The following ROR1 variants were observed in gnomAD, a reference collection of about 807,000 sequenced individuals.
ROR1 encodes the protein inactive tyrosine-protein kinase transmembrane receptor ROR1.
Under a neutral mutation model 78.8 loss-of-function variants are expected in ROR1, and 19 were observed. The observed-to-expected ratio is 0.24, with a 90% confidence interval of 0.17 to 0.35. ROR1 has a LOEUF of 0.35. Among genes scored for constraint, ROR1 ranks in the 10% least tolerant of loss-of-function variants. The pLI, the probability that ROR1 is intolerant of heterozygous loss-of-function variation, is 1.00. For synonymous variants in ROR1, 386 were observed against 433.6 expected, an observed-to-expected ratio of 0.89 and a Z score of 1.36; for missense variants, 917 against 1,177.8, an observed-to-expected ratio of 0.78 and a Z score of 3.24.
intron 1 of ROR1, among the ~76,000 whole-genome samples, chr1:63,788,021 T>A (rs963645585): frequency 1.3e-5 from 2 of 152,180 alleles, no homozygotes; most frequent in Non-Finnish European, 2.9e-5. Flanking sequence ...AATGACTTCA[T>A]ATCCAGAGCA....
chr1:64,128,908 G>A (rs985467686), intron 4 of ROR1, among the ~76,000 whole-genome samples: 52 of 152,274 alleles, frequency 3.4e-4, no homozygotes, highest in Middle Eastern at 6.8e-3. Context: ...CATGACAAGG[G>A]AAGCCTTTAG....
chr1:64,179,728 G>A lies in ROR1; in HGVS notation c.*873G>A, dbSNP rs1259072826. On this transcript the variant is annotated 3_prime_UTR_variant, in exon 9 of 9. Coordinates refer to ENST00000371079, the MANE Select transcript of ROR1 (RefSeq NM_005012.4). The stretch of plus-strand genomic sequence containing the variant: ...GGAAAGGAAAAAGGGTTCCCATGGG[G>A]ACAGCCCCCATAGGAGTTTTCTGGA... 3 of 152,118 alleles carry A rather than the reference G, an allele frequency of 2.0e-5. No individual in the cohort carries two copies. The highest frequency in any genetic ancestry group is 2.9e-5 in the Non-Finnish European group (2 of 68,020). The allele number at this position is 152,118 out of a possible 1,614,324, so 9.4% of individuals were successfully genotyped here. A position where few individuals can be genotyped will look rare whatever the true frequency, so the allele number is the denominator to read the frequency against.
intron 1 of ROR1, among the ~76,000 whole-genome samples, chr1:63,851,579 A>G (rs1645114236): frequency 6.6e-6 from 1 of 152,232 alleles, no homozygotes; most frequent in African/African-American, 2.4e-5. Context: ...ATGACAGGGA[A>G]AAATTACAAT....
intron 1 of ROR1, among the ~76,000 whole-genome samples, chr1:63,948,538 A>G (rs1645909000): frequency 6.6e-6 from 1 of 152,158 alleles, no homozygotes; most frequent in South Asian, 2.1e-4. Flanking sequence ...CCTAATGCCT[A>G]GTAGATGTTC....
At chr1:64,051,323 G>A (rs1223699471) in intron 4 of ROR1, among the ~76,000 whole-genome samples, 2 of 151,662 alleles carry the variant, frequency 1.3e-5, no homozygotes, top group African/African-American at 2.4e-5. Context: ...CGTGGTGGGC[G>A]CCTGTAGTCC....
At chr1:64,052,629 A>G (rs1324573798) in intron 4 of ROR1, among the ~76,000 whole-genome samples, 1 of 152,222 alleles carries the variant, frequency 6.6e-6, no homozygotes, top group Non-Finnish European at 1.5e-5. Flanking sequence ...AAGATGCTCA[A>G]CCACAGCTAA....
intron 1 of ROR1, among the ~76,000 whole-genome samples, chr1:63,941,164 G>A (rs1645836451): frequency 6.6e-6 from 1 of 152,084 alleles, no homozygotes; most frequent in Non-Finnish European, 1.5e-5. Flanking sequence ...AAAAACAAAT[G>A]CTCTGAAGTA....
At chr1:63,813,261 G>A (rs139466228) in intron 1 of ROR1, among the ~76,000 whole-genome samples, 1,619 of 152,270 alleles carry the variant, frequency 0.011, 29 homozygotes, top group African/African-American at 0.036. Flanking sequence ...TTAGGGATTT[G>A]TAGAATTTTC....
chr1:63,974,118 G>T (rs1406395036), intron 1 of ROR1, among the ~76,000 whole-genome samples: 1 of 152,116 alleles, frequency 6.6e-6, no homozygotes, highest in East Asian at 1.9e-4. Context: ...TACTAATTCT[G>T]GTAACAAACA....
intron 4 of ROR1, among the ~76,000 whole-genome samples, chr1:64,130,682 T>G (rs558647477): frequency 6.6e-6 from 1 of 152,228 alleles, no homozygotes; most frequent in Non-Finnish European, 1.5e-5. Flanking sequence ...TAGGTTGGAA[T>G]AGGAGGTAAC....
intron 1 of ROR1, among the ~76,000 whole-genome samples, chr1:63,928,914 A>G (rs994858923): frequency 6.6e-6 from 1 of 152,208 alleles, no homozygotes; most frequent in African/African-American, 2.4e-5. Flanking sequence ...GAAAGGACAC[A>G]GTGTGCCCTC....
At chr1:64,084,805 C>G (rs562134544) in intron 4 of ROR1, among the ~76,000 whole-genome samples, 11 of 152,334 alleles carry the variant, frequency 7.2e-5, no homozygotes, top group South Asian at 2.1e-4. Context: ...TTTGGGGATG[C>G]CTTGAGAAGG....
intron 2 of ROR1, among the ~76,000 whole-genome samples, chr1:64,034,334 T>G (rs1314955599): frequency 6.6e-6 from 1 of 152,142 alleles, no homozygotes; most frequent in Non-Finnish European, 1.5e-5. Flanking sequence ...CCACAGTACA[T>G]TAGCTGCTTT....
chr1:64,019,110 G>C (rs1022001492), intron 2 of ROR1, among the ~76,000 whole-genome samples: 9 of 152,130 alleles, frequency 5.9e-5, no homozygotes, highest in African/African-American at 2.2e-4. Context: ...TGATTTGAGA[G>C]GTTTAAAAGG....
At chr1:64,017,594 T>C (rs374932046) in intron 2 of ROR1, among the ~76,000 whole-genome samples, 5 of 152,100 alleles carry the variant, frequency 3.3e-5, no homozygotes, top group African/African-American at 4.8e-5. Context: ...TTCCTCACCA[T>C]GTAGGGGTCT....
chr1:64,178,117 A>G lies in ROR1; in HGVS notation c.2076A>G (p.Pro692=), dbSNP rs922064359. ...AGATTTTCAGTTTTGGACTCCAGCC[A>G]TATTATGGATTCAGTAACCAGGAAG... is the stretch of plus-strand genomic sequence containing the variant. ...LWEIFSFGLQ[P]YYGFSNQEVI... The change falls in exon 9 of 9, where the codon CCA becomes CCG. Residue 692 remains proline, a synonymous_variant. Coordinates refer to ENST00000371079, the MANE Select transcript of ROR1 (RefSeq NM_005012.4). This position sits in a 1 kb window ranked among gnomAD's most constrained non-coding sequence, Gnocchi z 4.3. 3.7e-6 allele frequency: 6 copies of G among 1,614,046 alleles called. No homozygotes were observed. Among genetic ancestry groups the G allele is most frequent in the African/African-American group, 1.3e-5 (1 of 74,916 alleles).
intron 2 of ROR1, among the ~76,000 whole-genome samples, chr1:64,016,164 G>T (rs937978078): frequency 6.6e-6 from 1 of 152,102 alleles, no homozygotes; most frequent in Non-Finnish European, 1.5e-5. Flanking sequence ...GTTTTCACCT[G>T]TTGAAAGGGA....
intron 4 of ROR1, among the ~76,000 whole-genome samples, chr1:64,080,896 A>G (rs754007454): frequency 6.6e-6 from 1 of 152,222 alleles, no homozygotes; most frequent in Non-Finnish European, 1.5e-5. Flanking sequence ...AGCAACTGTG[A>G]CTTTGGCACA....
At chr1:63,962,359 C>T (rs997650408) in intron 1 of ROR1, among the ~76,000 whole-genome samples, 8 of 152,100 alleles carry the variant, frequency 5.3e-5, no homozygotes, top group East Asian at 1.9e-4. Context: ...AATAAGTGAA[C>T]GAAGAAATGA....
Sources: gnomAD v4.1 joint callset for allele counts (sites outside exome capture counted in the v4.1 genomes callset) on GRCh38, gnomAD v4.1.1 for gene constraint, Gnocchi (gnomAD v3.1) non-coding constraint, MANE v1.5 for transcripts, NCBI Gene and HGNC (gene_info 2026-07-23, HGNC 2026-07-21) for gene names.